ENTPD5: variants seen among roughly 807,000 people sequenced by gnomAD.
ENTPD5 encodes the protein ectonucleoside triphosphate diphosphohydrolase 5 (inactive), also known as nucleoside diphosphate phosphatase ENTPD5.
Under a neutral mutation model 60.2 loss-of-function variants are expected in ENTPD5, and 49 were observed. That is an observed-to-expected ratio of 0.81 (90% CI 0.65 to 1.03). The LOEUF is 1.03. ENTPD5 is among the 50% of genes least tolerant of loss of function. The probability of loss-of-function intolerance (pLI) is 0.00; values close to 1 mark genes in which losing one functional copy is unlikely to be tolerated. For missense variants in ENTPD5, 480 were observed against 507.6 expected (o/e 0.95, Z 0.52); for synonymous variants, 187 against 185.4 (o/e 1.01, Z -0.07).
intron 14 of ENTPD5, among the ~76,000 whole-genome samples, chr14:73,971,090 A>T (rs2057202757): frequency 6.6e-6 from 1 of 152,078 alleles, no homozygotes; most frequent in Non-Finnish European, 1.5e-5. Flanking sequence ...ATTTCAATTT[A>T]AAAAAGAAAG....
Position 73,967,657 on chromosome 14 carries a change from A to C in ENTPD5, c.1201-643T>G, listed in dbSNP as rs187540372. ...CCCCGTCTCTACAAAAAAATTAGAC[A>C]AGAGTGGTGGCACACACCTGTAATC... is the stretch of plus-strand genomic sequence containing the variant. On this transcript the variant is annotated intron_variant, in intron 15 of 15. Coordinates refer to ENST00000334696, the MANE Select transcript of ENTPD5 (RefSeq NM_001249.5). Among the ~76,000 whole-genome samples, 6 of 152,014 alleles carry C rather than the reference A, an allele frequency of 3.9e-5. No individual in the cohort carries two copies. In the East Asian group the frequency reaches 1.2e-3, roughly 29 times the overall value.
At chr14:73,959,004 C>G, downstream of ENTPD5, 1 of 1,614,146 alleles carries the variant, frequency 6.2e-7, no homozygotes, top group Non-Finnish European at 8.5e-7. Context: ...CGGAGTACGG[C>G]AGGCTGTTGG....
At position 73,986,795 on chromosome 14, in the gene ENTPD5, C is replaced by T. The variant is rs1200173658; in HGVS notation, c.297+19G>A. On this transcript the variant is annotated intron_variant, in intron 5 of 15. Transcript: ENST00000334696. ...ATCAAGGCATTGAGAATCTAAACAT[C>T]AAATCATAAGAAACTCACCTGCTTA... 1.3e-6 allele frequency: 2 copies of T among 1,593,016 alleles called. No homozygotes were observed. The highest frequency in any genetic ancestry group is 2.2e-5 in the East Asian group (1 of 44,756).
chr14:73,962,852 T>C, downstream of ENTPD5: 1 of 890,146 alleles, frequency 1.1e-6, no homozygotes, highest in Non-Finnish European at 1.8e-6. Flanking sequence ...TTTTTCTTTT[T>C]TTAGCTGAAA....
At chr14:74,001,560 C>T (rs781265635) in intron 3 of ENTPD5, among the ~76,000 whole-genome samples, 2 of 149,556 alleles carry the variant, frequency 1.3e-5, no homozygotes, top group African/African-American at 4.9e-5. Context: ...CCGAGCTACT[C>T]GGGAGGCTGA....
At chr14:73,985,848 C>G (rs568320074) in intron 5 of ENTPD5, among the ~76,000 whole-genome samples, 1 of 151,800 alleles carries the variant, frequency 6.6e-6, no homozygotes, top group African/African-American at 2.4e-5. Flanking sequence ...CTGACATGGG[C>G]GGATCACAAG....
In ENTPD5 at chr14:73,966,881, C is replaced by T. The variant is rs183072167; in HGVS notation, c.*47G>A. 9 of 1,443,904 alleles carry T rather than the reference C, an allele frequency of 6.2e-6. No individual in the cohort carries two copies. The Admixed American group carries it at 1.2e-4, about 19-fold the overall frequency. 89.4% of individuals were successfully genotyped at this position (1,443,904 alleles called of 1,614,324 possible). A position where few individuals can be genotyped will look rare whatever the true frequency, so the allele number is the denominator to read the frequency against. On this transcript the variant is annotated 3_prime_UTR_variant, in exon 16 of 16. Coordinates refer to ENST00000334696, the MANE Select transcript of ENTPD5 (RefSeq NM_001249.5). ...CAGAAACTAAGTGCTCTCTCCTCCC[C>T]TTAAAAAGGTGTTGGCAAATGCAGG...
Position 73,986,840 on chromosome 14 carries a change from A to G in ENTPD5, c.271T>C (p.Ser91Pro), listed in dbSNP as rs2057921049. The G allele has an allele frequency of 1.2e-6, 2 of 1,614,068 alleles. No homozygotes were observed. The highest frequency in any genetic ancestry group is 1.1e-5 in the South Asian group (1 of 91,080). ...TGCTTAGGTTGATCTACAAAAGCAG[A>G]AAGTCCTGGCTTCACAGAATCAAAA... ...EVFDSVKPGL[S>P]AFVDQPKQGA... The change falls in exon 5 of 16, where the codon TCT (serine) becomes CCT (proline). Residue 91 changes from serine to proline, a missense_variant. Transcript: ENST00000334696.
chr14:73,958,953 G>A (rs765146911), downstream of ENTPD5: 1 of 1,613,104 alleles, frequency 6.2e-7, no homozygotes, highest in East Asian at 2.2e-5. Context: ...GACTTAGCAG[G>A]CTCATGTGTC....
chr14:73,962,716 C>T, downstream of ENTPD5: 1 of 505,154 alleles, frequency 2.0e-6, no homozygotes, highest in Non-Finnish European at 3.5e-6. Flanking sequence ...TTATAGGAGG[C>T]TGGGGAGGGA....
At chr14:73,997,059 T>G (rs993734115) in intron 3 of ENTPD5, among the ~76,000 whole-genome samples, 1 of 151,910 alleles carries the variant, frequency 6.6e-6, no homozygotes, top group African/African-American at 2.4e-5. Flanking sequence ...GACAAGAAAC[T>G]TGGCTTGGAA....
At chr14:74,013,605 C>A (rs2058914210) in intron 2 of ENTPD5, among the ~76,000 whole-genome samples, 1 of 151,934 alleles carries the variant, frequency 6.6e-6, no homozygotes. Context: ...AGATTGAACA[C>A]CCCTGGTCTA....
intron 6 of ENTPD5, among the ~76,000 whole-genome samples, chr14:73,979,279 C>T (rs1460125770): frequency 6.6e-6 from 1 of 152,106 alleles, no homozygotes; most frequent in East Asian, 1.9e-4. Flanking sequence ...ACCTGCCTTT[C>T]CCTGCTTTTT....
chr14:74,012,663 T>C (rs943843952), intron 2 of ENTPD5, among the ~76,000 whole-genome samples: 2 of 152,092 alleles, frequency 1.3e-5, no homozygotes, highest in East Asian at 1.9e-4. Context: ...CTGGAGAGCA[T>C]GTGTCCCATC....
At chr14:74,006,454 T>G (rs1474979963) in intron 3 of ENTPD5, among the ~76,000 whole-genome samples, 1 of 151,954 alleles carries the variant, frequency 6.6e-6, no homozygotes, top group African/African-American at 2.4e-5. Context: ...CGGCTAATTT[T>G]TTGTATTTTT....
At position 73,964,248 on chromosome 14, in the gene ENTPD5, C is replaced by G. The variant is rs961962087; in HGVS notation, c.*2680G>C. 6.6e-6 allele frequency: 1 copy of G among 152,138 alleles called. No homozygotes were observed. Among genetic ancestry groups the G allele is most frequent in the Non-Finnish European group, 1.5e-5 (1 of 68,022 alleles). The allele number at this position is 152,138 out of a possible 1,614,324, so 9.4% of individuals were successfully genotyped here. A position where few individuals can be genotyped will look rare whatever the true frequency, so the allele number is the denominator to read the frequency against. On this transcript the variant is annotated 3_prime_UTR_variant, in exon 16 of 16. Transcript: ENST00000334696. Reference sequence around the variant, plus strand: ...TAAACACCATCTGTCACGTACCAGGCCATGTCCTAAGTATTTTAAATATGT... The same window carrying G: ...TAAACACCATCTGTCACGTACCAGGGCATGTCCTAAGTATTTTAAATATGT...
At chr14:73,960,107 T>G, downstream of ENTPD5, 1 of 999,452 alleles carries the variant, frequency 1.0e-6, no homozygotes, top group Non-Finnish European at 1.2e-6. Context: ...TTGGATTATT[T>G]TGAACAGTTC....
At chr14:74,009,624 A>T (rs1328500684) in intron 3 of ENTPD5, among the ~76,000 whole-genome samples, 1 of 152,188 alleles carries the variant, frequency 6.6e-6, no homozygotes, top group African/African-American at 2.4e-5. Context: ...TGGGGTTTTT[A>T]AAAAAATTTA....
At chr14:73,994,124 A>T (rs1016235851) in intron 3 of ENTPD5, among the ~76,000 whole-genome samples, 5 of 151,922 alleles carry the variant, frequency 3.3e-5, no homozygotes, top group South Asian at 2.1e-4. Context: ...TTATTTTTTT[A>T]AACTTTATTT....
Sources: gnomAD v4.1 joint callset for allele counts (sites outside exome capture counted in the v4.1 genomes callset) on GRCh38, gnomAD v4.1.1 for gene constraint, MANE v1.5 for transcripts, NCBI Gene and HGNC (gene_info 2026-07-23, HGNC 2026-07-21) for gene names.